ARHGAP21: variants seen among roughly 807,000 people sequenced by gnomAD.
ARHGAP21 encodes Rho GTPase activating protein 21.
Under a neutral mutation model 164.6 loss-of-function variants are expected in ARHGAP21, and 38 were observed. The observed-to-expected ratio is 0.23, with a 90% confidence interval of 0.18 to 0.30. The LOEUF is 0.30. Among genes scored for constraint, ARHGAP21 ranks in the 10% least tolerant of loss-of-function variants. ARHGAP21 has a pLI of 1.00. For synonymous variants in ARHGAP21, 766 were observed against 857.9 expected (o/e 0.89, Z 1.87); for missense variants, 1,822 against 2,370.7 (o/e 0.77, Z 4.81).
intron 9 of ARHGAP21, 96 bp from the exon 10 acceptor site, chr10:24,607,999 A>T: frequency 8.5e-7 from 1 of 1,172,228 alleles, no homozygotes; most frequent in Non-Finnish European, 1.2e-6. Context: ...TCAGATAAGG[A>T]TTTTAACACT....
At chr10:24,653,444 C>T (rs1364207780) in intron 4 of ARHGAP21, among the ~76,000 whole-genome samples, 3 of 152,048 alleles carry the variant, frequency 2.0e-5, no homozygotes, top group African/African-American at 7.2e-5. Context: ...GGCGTGGTGG[C>T]GGGCGCCTAT....
chr10:24,599,899 C>T (rs1330208881), intron 14 of ARHGAP21, among the ~76,000 whole-genome samples: 2 of 152,092 alleles, frequency 1.3e-5, no homozygotes, highest in African/African-American at 2.4e-5. Context: ...TTTGGGAGGC[C>T]GAGGCGGGCA....
intron 4 of ARHGAP21, among the ~76,000 whole-genome samples, chr10:24,647,385 G>A (rs946910853): frequency 6.6e-6 from 1 of 152,146 alleles, no homozygotes; most frequent in Admixed American, 6.5e-5. Context: ...TGTTATTACT[G>A]TTCTAGCTTA....
At position 24,704,214 on chromosome 10, in the gene ARHGAP21, A is replaced by AT. The variant is rs1183615268; in HGVS notation, c.63+17622_63+17623insA. ...TTTTGTGACCTCCACCAAATACTTT[A>AT]AGTGGTGACACAGAAGCCACAGGAG... is the stretch of plus-strand genomic sequence containing the variant. On this transcript the variant is annotated intron_variant, in intron 2 of 25. Coordinates refer to ENST00000396432, the MANE Select transcript of ARHGAP21 (RefSeq NM_020824.4). 1.1e-4 allele frequency among the ~76,000 whole-genome samples: 17 copies of AT among 152,220 alleles called. No homozygotes were observed. The East Asian group carries it at 3.1e-3, about 28-fold the overall frequency.
chr10:24,641,783 CAGG>C (rs1837052308), intron 4 of ARHGAP21, among the ~76,000 whole-genome samples: 2 of 151,970 alleles, frequency 1.3e-5, no homozygotes, highest in Non-Finnish European at 2.9e-5. Context: ...ATCACGAGGT[CAGG>C]AGTTCAAGAC....
chr10:24,632,579 A>C (rs1835950719), intron 6 of ARHGAP21, among the ~76,000 whole-genome samples: 1 of 152,236 alleles, frequency 6.6e-6, no homozygotes, highest in Admixed American at 6.5e-5. Context: ...TTACAGCATG[A>C]GCCACTCTAG....
chr10:24,636,680 C>T lies in ARHGAP21; in HGVS notation c.269-1577G>A, dbSNP rs146547757. Reference sequence around the variant, plus strand: ...AAAGGAATATCTATCACTAGCTCCCCTTAAATACTTAGCTATTTATTCTGA... The same window carrying T: ...AAAGGAATATCTATCACTAGCTCCCTTTAAATACTTAGCTATTTATTCTGA... On this transcript the variant is annotated intron_variant, in intron 4 of 25. Transcript: ENST00000396432. 5.1e-3 allele frequency among the ~76,000 whole-genome samples: 777 copies of T among 152,282 alleles called. 7 individuals carry two copies. The highest frequency in any genetic ancestry group is 0.018 in the African/African-American group (750 of 41,548).
chr10:24,706,118 T>C (rs1300007767), intron 2 of ARHGAP21, among the ~76,000 whole-genome samples: 4 of 152,200 alleles, frequency 2.6e-5, no homozygotes, highest in Non-Finnish European at 5.9e-5. Flanking sequence ...AAAAACTAGC[T>C]AAAAAGCAAC....
chr10:24,670,468 T>TA (rs1840598159), intron 2 of ARHGAP21, 71 bp from the exon 3 acceptor site: 1 of 1,038,114 alleles, frequency 9.6e-7, no homozygotes, highest in Non-Finnish European at 1.3e-6. Context: ...AAATTCTATG[T>TA]AAAAATGTTA....
At chr10:24,660,291 G>A (rs1839539645) in intron 4 of ARHGAP21, among the ~76,000 whole-genome samples, 1 of 140,084 alleles carries the variant, frequency 7.1e-6, no homozygotes, top group African/African-American at 2.6e-5. Flanking sequence ...AGCTGAGGCA[G>A]GAGGATCACT....
intron 4 of ARHGAP21, among the ~76,000 whole-genome samples, chr10:24,644,884 C>T (rs1254332970): frequency 2.0e-5 from 3 of 152,116 alleles, no homozygotes; most frequent in Admixed American, 6.5e-5. Context: ...TATTTTCAAC[C>T]CCTAACCTCT....
intron 14 of ARHGAP21, among the ~76,000 whole-genome samples, chr10:24,599,977 C>T (rs1446775024): frequency 2.0e-5 from 3 of 151,788 alleles, no homozygotes; most frequent in African/African-American, 7.3e-5. Context: ...ACTAAAAATA[C>T]AAAAAATTAG....
intron 2 of ARHGAP21, among the ~76,000 whole-genome samples, chr10:24,718,038 T>C (rs1468652004): frequency 1.3e-5 from 2 of 152,144 alleles, no homozygotes; most frequent in African/African-American, 2.4e-5. Flanking sequence ...GCTAAGTTAT[T>C]GGGAAACTCC....
At chr10:24,637,843 T>C (rs756584865) in intron 4 of ARHGAP21, among the ~76,000 whole-genome samples, 2 of 151,768 alleles carry the variant, frequency 1.3e-5, no homozygotes, top group Admixed American at 6.6e-5. Context: ...CTGCTGAGAG[T>C]TGCACTTTTA....
chr10:24,628,048 G>A (rs774947404), intron 7 of ARHGAP21, among the ~76,000 whole-genome samples: 2 of 152,140 alleles, frequency 1.3e-5, no homozygotes, highest in Admixed American at 6.5e-5. Flanking sequence ...TAAATCCTTC[G>A]CTACCATATA....
intron 2 of ARHGAP21, among the ~76,000 whole-genome samples, chr10:24,690,404 T>C (rs1422915792): frequency 6.6e-6 from 1 of 152,256 alleles, no homozygotes; most frequent in East Asian, 1.9e-4. Context: ...TGAGTATTTT[T>C]TTCATCTTTG....
intron 13 of ARHGAP21, among the ~76,000 whole-genome samples, chr10:24,601,531 ATATTTT>A (rs1191380823): frequency 1.3e-5 from 2 of 152,148 alleles, no homozygotes; most frequent in African/African-American, 4.8e-5. Context: ...GCATATATTG[ATATTTT>A]TATATTTGTT....
intron 25 of ARHGAP21, among the ~76,000 whole-genome samples, chr10:24,588,538 C>G (rs1405373839): frequency 6.6e-6 from 1 of 152,124 alleles, no homozygotes; most frequent in Non-Finnish European, 1.5e-5. Flanking sequence ...CATATGGAGT[C>G]CTGTTATGAT....
At chr10:24,603,777 C>A (rs532605256) in intron 12 of ARHGAP21, among the ~76,000 whole-genome samples, 1 of 152,122 alleles carries the variant, frequency 6.6e-6, no homozygotes, top group East Asian at 1.9e-4. Context: ...GCGGGCAGAT[C>A]ACCTGAGGTC....
Sources: allele counts gnomAD v4.1 joint callset (sites outside exome capture counted in the v4.1 genomes callset), GRCh38; gene constraint gnomAD v4.1.1; transcripts MANE v1.5; gene names NCBI Gene and HGNC (gene_info 2026-07-23, HGNC 2026-07-21).